The following NCALD variants were observed in gnomAD, a reference collection of about 807,000 sequenced individuals.
The protein encoded by NCALD is neurocalcin-delta.
NCALD carries 10 observed loss-of-function variants against 18.6 expected under a neutral mutation model. The observed-to-expected ratio is 0.54, with a 90% CI of 0.33 to 0.91. The LOEUF is 0.91. NCALD is among the 40% of genes least tolerant of loss of function. The pLI is 0.03. For missense variants in NCALD, 184 were observed against 247.6 expected (o/e 0.74, Z 1.72); for synonymous variants, 88 against 87.4 (o/e 1.01, Z -0.04).
At chr8:101,923,295 T>C (rs953358621) in intron 2 of NCALD, among the ~76,000 whole-genome samples, 3 of 152,232 alleles carry the variant, frequency 2.0e-5, no homozygotes, top group Non-Finnish European at 2.9e-5. Context: ...TATAGCAGCA[T>C]GAAAAGACTA....
At chr8:102,070,617 G>C (rs1443264909) in intron 1 of NCALD, among the ~76,000 whole-genome samples, 1 of 152,076 alleles carries the variant, frequency 6.6e-6, no homozygotes. Flanking sequence ...AGAAACAATG[G>C]AATTACCTCC....
At chr8:101,941,918 T>C (rs1377361990) in intron 2 of NCALD, among the ~76,000 whole-genome samples, 1 of 152,216 alleles carries the variant, frequency 6.6e-6, no homozygotes, top group African/African-American at 2.4e-5. Flanking sequence ...AAATTATGAT[T>C]TCTTTTCTTT....
chr8:101,739,526 T>C lies in NCALD; in HGVS notation c.-19-19878A>G, dbSNP rs113137589. ...CTGGGAGAGGCAGACCCATCCTCAATCTGGGTGGGCACCATCTAATCAACT... is the reference window on the plus strand; with the variant it reads ...CTGGGAGAGGCAGACCCATCCTCAACCTGGGTGGGCACCATCTAATCAACT... On this transcript the variant is annotated intron_variant, in intron 1 of 3. Coordinates refer to ENST00000220931, the MANE Select transcript of NCALD (RefSeq NM_032041.3). Among the ~76,000 whole-genome samples, 291 of 152,254 alleles carry C rather than the reference T, an allele frequency of 1.9e-3. 1 individual carries two copies. The highest frequency in any genetic ancestry group is 6.5e-3 in the African/African-American group (270 of 41,544).
At chr8:102,089,776 T>C (rs571221993) in intron 1 of NCALD, among the ~76,000 whole-genome samples, 1 of 152,264 alleles carries the variant, frequency 6.6e-6, no homozygotes, top group East Asian at 1.9e-4. Flanking sequence ...TTTAAACAAG[T>C]TGTAGAAGGT....
At chr8:101,822,708 T>C (rs548373658) in intron 4 of NCALD, among the ~76,000 whole-genome samples, 1 of 152,298 alleles carries the variant, frequency 6.6e-6, no homozygotes, top group South Asian at 2.1e-4. Flanking sequence ...GCCTTTGTAA[T>C]TCCAGCAGGC....
chr8:101,985,887 CTT>C lies in NCALD; in HGVS notation c.-157+34348_-157+34349del, dbSNP rs540157799. The stretch of plus-strand genomic sequence containing the variant: ...TTGGAACTTGGAAGCCTTAGGGACT[CTT>C]TCCTCTCAAAACTATCTTGCACACT... On this transcript the variant is annotated intron_variant, in intron 2 of 6. Coordinates refer to the NCALD transcript ENST00000311028. Among the ~76,000 whole-genome samples the C allele has an allele frequency of 3.4e-3, 520 of 152,290 alleles. 4 individuals are homozygous for C. Among genetic ancestry groups the C allele is most frequent in the African/African-American group, 0.011 (472 of 41,564 alleles).
At chr8:101,816,573 T>C (rs968112569) in intron 4 of NCALD, among the ~76,000 whole-genome samples, 1 of 152,226 alleles carries the variant, frequency 6.6e-6, no homozygotes, top group Non-Finnish European at 1.5e-5. Flanking sequence ...CATTTCCTTA[T>C]GAGGAGGGCT....
At chr8:101,766,133 C>G (rs918920175) in intron 1 of NCALD, among the ~76,000 whole-genome samples, 2 of 152,118 alleles carry the variant, frequency 1.3e-5, no homozygotes, top group Admixed American at 1.3e-4. Flanking sequence ...CAAAATAGCT[C>G]ACATTTAGTG....
chr8:101,692,679 G>A (rs956735385), intron 3 of NCALD, 112 bp downstream of exon 3: 45 of 1,405,118 alleles, frequency 3.2e-5, no homozygotes, highest in Non-Finnish European at 3.9e-5. Context: ...CAGGAGGCTT[G>A]GAGGATGAGC....
chr8:102,034,364 G>T (rs1435189039), intron 1 of NCALD, among the ~76,000 whole-genome samples: 1 of 152,304 alleles, frequency 6.6e-6, no homozygotes, highest in East Asian at 1.9e-4. Context: ...GCCTTCATTT[G>T]TGCAAGGGAT....
At chr8:102,069,510 A>G (rs1824114222) in intron 1 of NCALD, among the ~76,000 whole-genome samples, 1 of 152,242 alleles carries the variant, frequency 6.6e-6, no homozygotes, top group Non-Finnish European at 1.5e-5. Context: ...TTTGAGTCCT[A>G]GAATTCCACT....
chr8:101,988,283 G>C (rs1820905073), intron 2 of NCALD, among the ~76,000 whole-genome samples: 1 of 151,950 alleles, frequency 6.6e-6, no homozygotes, highest in South Asian at 2.1e-4. Flanking sequence ...TCTGAAAAGT[G>C]TTATATACGT....
intron 1 of NCALD, among the ~76,000 whole-genome samples, chr8:102,035,885 CAT>C (rs1293316817): frequency 5.3e-5 from 8 of 152,090 alleles, no homozygotes; most frequent in African/African-American, 2.4e-5. Flanking sequence ...CAACTAACTG[CAT>C]ATGTTACTTA....
intron 2 of NCALD, among the ~76,000 whole-genome samples, chr8:101,957,297 T>TTTTTTTG (rs1819669438): frequency 6.9e-6 from 1 of 144,110 alleles, no homozygotes; most frequent in African/African-American, 2.7e-5. Flanking sequence ...GGGTTTTTTT[T>TTTTTTTG]TTTTTTTTTT....
chr8:101,986,692 C>T (rs781655931), intron 2 of NCALD: 11 of 152,324 alleles, frequency 7.2e-5, no homozygotes, highest in Non-Finnish European at 1.5e-4. Flanking sequence ...CCCAACTCCA[C>T]ACACACCCAG....
At chr8:101,695,152 G>C (rs776520281) in intron 2 of NCALD, among the ~76,000 whole-genome samples, 2 of 152,176 alleles carry the variant, frequency 1.3e-5, no homozygotes, top group Non-Finnish European at 2.9e-5. Flanking sequence ...ACAACATTTA[G>C]AAATTGGCAT....
At chr8:101,885,030 C>T (rs1297799324) in intron 4 of NCALD, among the ~76,000 whole-genome samples, 1 of 152,142 alleles carries the variant, frequency 6.6e-6, no homozygotes, top group Non-Finnish European at 1.5e-5. Flanking sequence ...AAAACGCATT[C>T]ATTCTTTTAA....
chr8:101,892,765 A>G (rs932539320), intron 3 of NCALD, among the ~76,000 whole-genome samples: 3 of 150,378 alleles, frequency 2.0e-5, no homozygotes, highest in South Asian at 2.1e-4. Flanking sequence ...GGGTATCAGC[A>G]ATGGAAGATG....
chr8:102,115,566 A>G (rs1020644426), intron 1 of NCALD, among the ~76,000 whole-genome samples: 3 of 152,216 alleles, frequency 2.0e-5, no homozygotes, highest in Non-Finnish European at 4.4e-5. Context: ...GCCATTGCCA[A>G]AGCTACTCTT....
Sources: gnomAD v4.1 joint callset for allele counts (sites outside exome capture counted in the v4.1 genomes callset) on GRCh38, gnomAD v4.1.1 for gene constraint, MANE v1.5 for transcripts, NCBI Gene and HGNC (gene_info 2026-07-23, HGNC 2026-07-21) for gene names.